The following NT5C2 variants were observed in gnomAD, a reference collection of about 807,000 sequenced individuals.
NT5C2 encodes the protein 5'-nucleotidase, cytosolic II.
Under a neutral mutation model 76.1 loss-of-function variants are expected in NT5C2, and 58 were observed. That is an observed-to-expected ratio of 0.76 (90% confidence interval 0.62 to 0.95). NT5C2 has a LOEUF of 0.95. Among genes scored for constraint, NT5C2 ranks in the 40% least tolerant of loss-of-function variants. The pLI, the probability that NT5C2 is intolerant of heterozygous loss-of-function variation, is 0.00. For missense variants in NT5C2, 478 were observed against 690.3 expected, an observed-to-expected ratio of 0.69 and a Z score of 3.45; for synonymous variants, 229 against 237.4, an observed-to-expected ratio of 0.96 and a Z score of 0.32.
intron 8 of NT5C2, 152 bp from the exon 9 acceptor site, chr10:103,100,171 C>A: frequency 1.8e-6 from 1 of 566,536 alleles, no homozygotes; most frequent in Non-Finnish European, 3.1e-6. Flanking sequence ...TGAAAGTCCA[C>A]TTTGACCACC....
Position 103,089,767 on chromosome 10 carries a change from TCTCA to T in NT5C2, c.1587_1590del (p.Ser529ArgfsTer83). ...AGTGGGAAGAGGTTGGGAGGTTTAATCTCACTAATTGACCGTGTCAGCTGGTGCC... is the reference window on the plus strand; with the variant it reads ...AGTGGGAAGAGGTTGGGAGGTTTAATCTAATTGACCGTGTCAGCTGGTGCC... On this transcript the variant is annotated frameshift_variant, in exon 19 of 19. Coordinates refer to ENST00000404739, the MANE Select transcript of NT5C2 (RefSeq NM_001351169.2). LOFTEE classifies it high-confidence loss of function. 6.2e-7 allele frequency: 1 copy of T among 1,614,054 alleles called. No homozygotes were observed.
intron 4 of NT5C2, among the ~76,000 whole-genome samples, chr10:103,121,675 C>T (rs899715604): frequency 8.5e-5 from 13 of 152,112 alleles, no homozygotes; most frequent in Non-Finnish European, 1.6e-4. Context: ...ATTTCTTCCC[C>T]GGTACTCTTA....
intron 3 of NT5C2, among the ~76,000 whole-genome samples, chr10:103,163,860 C>CAAAAAAAAAAAAAAA (rs1156583063): frequency 4.0e-5 from 2 of 50,400 alleles, no homozygotes; most frequent in Non-Finnish European, 8.2e-5. Flanking sequence ...ACTAAAAATA[C>CAAAAAAAAAAAAAAA]AAAAAAAAAA....
intron 3 of NT5C2, among the ~76,000 whole-genome samples, chr10:103,143,865 A>G (rs1267634767): frequency 6.6e-6 from 1 of 151,970 alleles, no homozygotes; most frequent in Non-Finnish European, 1.5e-5. Context: ...TGAGGCAGGA[A>G]GATCACTTGA....
Position 103,159,251 on chromosome 10 carries a change from G to GCACACACA in NT5C2, c.101+15599_101+15606dup, listed in dbSNP as rs57117670. On this transcript the variant is annotated intron_variant, in intron 3 of 18. Coordinates refer to ENST00000404739, the MANE Select transcript of NT5C2 (RefSeq NM_001351169.2). ...GAGTGAGACCTCATCTCCAAAACAT[G>GCACACACA]CACACACACACACACACACACACAC... Among the ~76,000 whole-genome samples, 538 of 133,274 alleles carry GCACACACA rather than the reference G, an allele frequency of 4.0e-3. 2 individuals are homozygous for GCACACACA. Among genetic ancestry groups the GCACACACA allele is most frequent in the South Asian group, 8.4e-3 (33 of 3,928 alleles). The allele number at this position is 133,274 out of a possible 152,430, so 87.4% of individuals were successfully genotyped here.
chr10:103,184,306 C>T (rs1383625021), intron 1 of NT5C2, among the ~76,000 whole-genome samples: 1 of 152,060 alleles, frequency 6.6e-6, no homozygotes, highest in East Asian at 1.9e-4. Flanking sequence ...TTCTTTATGT[C>T]ACTTGTCCCA....
chr10:103,169,881 C>T (rs879275802), intron 3 of NT5C2, among the ~76,000 whole-genome samples: 2 of 152,080 alleles, frequency 1.3e-5, no homozygotes, highest in Non-Finnish European at 2.9e-5. Context: ...AATCCCAGAA[C>T]TTTGGGAGGC....
chr10:103,105,286 G>A, intron 6 of NT5C2: 1 of 283,502 alleles, frequency 3.5e-6, no homozygotes, highest in South Asian at 6.3e-5. Context: ...AAACGTATTG[G>A]CTATTAAAAA....
intron 4 of NT5C2, among the ~76,000 whole-genome samples, chr10:103,117,575 A>G (rs570711740): frequency 3.1e-4 from 47 of 152,352 alleles, no homozygotes; most frequent in African/African-American, 1.1e-3. Flanking sequence ...TGAGCCCAGT[A>G]GTTCAAGGTT....
At chr10:103,192,340 C>T (rs2092700459) in intron 1 of NT5C2, among the ~76,000 whole-genome samples, 1 of 152,096 alleles carries the variant, frequency 6.6e-6, no homozygotes, top group Admixed American at 6.5e-5. Flanking sequence ...AGCACGACCC[C>T]CCTCAAACAT....
At position 103,123,784 on chromosome 10, in the gene NT5C2, C is replaced by T. The variant is rs2076156175; in HGVS notation, c.175+15622G>A. ...GAGCTGGAAAAAAACTGGAATGTAC[C>T]TCCTTCCGGATTTCCAAGCACCAGG... is the stretch of plus-strand genomic sequence containing the variant. On this transcript the variant is annotated intron_variant, in intron 4 of 18. Coordinates refer to ENST00000404739, the MANE Select transcript of NT5C2 (RefSeq NM_001351169.2). Among the ~76,000 whole-genome samples, 2 of 152,062 alleles carry T rather than the reference C, an allele frequency of 1.3e-5. 1 individual carries two copies. Among genetic ancestry groups the T allele is most frequent in the South Asian group, 4.1e-4 (2 of 4,820 alleles).
intron 4 of NT5C2, among the ~76,000 whole-genome samples, chr10:103,133,494 C>A (rs544252333): frequency 6.6e-6 from 1 of 152,274 alleles, no homozygotes; most frequent in Non-Finnish European, 1.5e-5. Context: ...CTCCTGACCT[C>A]AGGTGATCTG....
intron 12 of NT5C2, 194 bp from the exon 13 acceptor site, chr10:103,094,649 C>A: frequency 2.0e-6 from 1 of 500,240 alleles, no homozygotes; most frequent in Non-Finnish European, 3.6e-6. Flanking sequence ...TTTGGGAGGC[C>A]GAGGCGGGCA....
At chr10:103,114,878 A>T (rs899342482) in intron 4 of NT5C2, among the ~76,000 whole-genome samples, 4 of 152,186 alleles carry the variant, frequency 2.6e-5, no homozygotes, top group Non-Finnish European at 5.9e-5. Context: ...GAATCACAAC[A>T]TCCTCATGAT....
At chr10:103,172,475 CTGACCT>C (rs2088428942) in intron 3 of NT5C2, among the ~76,000 whole-genome samples, 1 of 151,764 alleles carries the variant, frequency 6.6e-6, no homozygotes, top group Admixed American at 6.6e-5. Flanking sequence ...TCTCGATCTC[CTGACCT>C]TGTGATCCAC....
In NT5C2 at chr10:103,106,593, T is replaced by C; in HGVS notation, c.289A>G (p.Thr97Ala). 1 of 1,583,236 alleles carries C rather than the reference T, an allele frequency of 6.3e-7. No individual in the cohort carries two copies. Residue 97 changes from threonine to alanine, a missense_variant, in exon 5 of 19, where the codon ACC (threonine) becomes GCC (alanine). Transcript: ENST00000404739. ...LSFAYDSTFP[T>A]RGLVFDTLYG... Reference sequence around the variant, plus strand: ...AAAAATATCTTTAAAAATTACCTGGTAGGGAATGTAGAATCATAAGCAAAG... The same window carrying C: ...AAAAATATCTTTAAAAATTACCTGGCAGGGAATGTAGAATCATAAGCAAAG...
Position 103,089,674 on chromosome 10 carries a change from ATTC to A in NT5C2, c.1681_1683del (p.Glu561del), listed in dbSNP as rs1234787055. 6.3e-7 allele frequency: 1 copy of A among 1,594,968 alleles called. No homozygotes were observed. The highest frequency in any genetic ancestry group is 8.5e-7 in the Non-Finnish European group (1 of 1,171,138). On this transcript the variant is annotated inframe_deletion, in exon 19 of 19. Coordinates refer to ENST00000404739, the MANE Select transcript of NT5C2 (RefSeq NM_001351169.2). Reference sequence around the variant, plus strand: ...GCTTGGGGTTTTGGTTTTCCTCCTTATTCTTCCTCCTCCTCCTCCTCTTCATCA... The same window carrying A: ...GCTTGGGGTTTTGGTTTTCCTCCTTATTCCTCCTCCTCCTCCTCTTCATCA...
At chr10:103,176,790 G>T (rs2090049923) in intron 2 of NT5C2, among the ~76,000 whole-genome samples, 1 of 152,134 alleles carries the variant, frequency 6.6e-6, no homozygotes, top group Non-Finnish European at 1.5e-5. Context: ...TTACAGTTGG[G>T]AGCCACCCGC....
At chr10:103,120,695 TGTAAGATG>T (rs2135682771) in intron 4 of NT5C2, among the ~76,000 whole-genome samples, 1 of 152,348 alleles carries the variant, frequency 6.6e-6, no homozygotes, top group African/African-American at 2.4e-5. Context: ...CTGGTGGGGA[TGTAAGATG>T]TTACAGCCAC....
Sources: allele counts gnomAD v4.1 joint callset (sites outside exome capture counted in the v4.1 genomes callset), GRCh38; gene constraint gnomAD v4.1.1; transcripts MANE v1.5; gene names NCBI Gene and HGNC (gene_info 2026-07-23, HGNC 2026-07-21).